The following MEIS2 variants were observed in gnomAD, a reference collection of about 807,000 sequenced individuals.
MEIS2 encodes the protein homeobox protein Meis2.
MEIS2 carries 9 observed loss-of-function variants against 58.6 expected under a neutral mutation model. That is an observed-to-expected ratio of 0.15 (90% confidence interval 0.09 to 0.27). The LOEUF (loss-of-function observed/expected upper bound fraction) is 0.27. Ranked by LOEUF, MEIS2 falls within the 10% of genes least tolerant of loss-of-function variation. The probability of loss-of-function intolerance (pLI) is 1.00; values close to 1 mark genes in which losing one functional copy is unlikely to be tolerated. For synonymous variants in MEIS2, 221 were observed against 228.4 expected (o/e 0.97, Z 0.29); for missense variants, 427 against 635.0 (o/e 0.67, Z 3.52).
Position 36,892,171 on chromosome 15 carries a change from T to A in MEIS2, c.*2A>T. 1 of 1,614,114 alleles carries A rather than the reference T, an allele frequency of 6.2e-7. No homozygotes were observed. Among genetic ancestry groups the A allele is most frequent in the Non-Finnish European group, 8.5e-7 (1 of 1,179,942 alleles). ...TTTCCTTTTCCCTTGAGTTCCCTTA[T>A]ACTATTGGGCATGAATGTCCATAAC... On this transcript the variant is annotated 3_prime_UTR_variant, in exon 12 of 12. Coordinates refer to ENST00000561208, the MANE Select transcript of MEIS2 (RefSeq NM_170675.5).
At chr15:36,967,572 A>C (rs2059397263) in intron 8 of MEIS2, among the ~76,000 whole-genome samples, 1 of 152,122 alleles carries the variant, frequency 6.6e-6, no homozygotes. Flanking sequence ...ACTTCCCAAA[A>C]CCGGTATAGC....
At chr15:37,083,515 A>C (rs1327731599) in intron 7 of MEIS2, among the ~76,000 whole-genome samples, 1 of 152,054 alleles carries the variant, frequency 6.6e-6, no homozygotes, top group African/African-American at 2.4e-5. Context: ...TAGATAACCA[A>C]ATTTGTAAAA....
At chr15:37,003,892 A>G (rs1225405268) in intron 8 of MEIS2, among the ~76,000 whole-genome samples, 2 of 152,114 alleles carry the variant, frequency 1.3e-5, no homozygotes, top group African/African-American at 2.4e-5. Flanking sequence ...CTGTCTCTAC[A>G]CCGGGAAGTA....
In MEIS2 at chr15:37,095,631, G is replaced by A. The variant is rs1373849763; in HGVS notation, c.388-17C>T. The A allele has an allele frequency of 6.2e-7, 1 of 1,614,082 alleles. No homozygotes were observed. Among genetic ancestry groups the A allele is most frequent in the Non-Finnish European group, 8.5e-7 (1 of 1,180,046 alleles). ...GGCGCGAACCTGTAAGAAACAGAGAGTCAACTTGAACGATCACCCCATTTA... is the reference window on the plus strand; with the variant it reads ...GGCGCGAACCTGTAAGAAACAGAGAATCAACTTGAACGATCACCCCATTTA... On this transcript the variant is annotated splice_polypyrimidine_tract_variant and intron_variant, in intron 3 of 11. Transcript: ENST00000561208.
In MEIS2 at chr15:36,982,170, T is replaced by C. The variant is rs184089013; in HGVS notation, c.901-31770A>G. ...TATATATCTCTCTATATCCTATTGG[T>C]TCTGTTTCTCTGGAGAATCCTGACT... On this transcript the variant is annotated intron_variant, in intron 8 of 11. Coordinates refer to ENST00000561208, the MANE Select transcript of MEIS2 (RefSeq NM_170675.5). Among the ~76,000 whole-genome samples, 79 of 152,240 alleles carry C rather than the reference T, an allele frequency of 5.2e-4. No individual in the cohort carries two copies. The Middle Eastern group carries it at 0.01, about 20-fold the overall frequency.
At chr15:36,948,660 T>TA (rs1459702652) in intron 9 of MEIS2, among the ~76,000 whole-genome samples, 2 of 152,032 alleles carry the variant, frequency 1.3e-5, no homozygotes, top group East Asian at 1.9e-4. Flanking sequence ...ATCAGTATGC[T>TA]ATAAAAGAAT....
At chr15:36,948,788 T>C (rs1245115558) in intron 9 of MEIS2, among the ~76,000 whole-genome samples, 1 of 151,964 alleles carries the variant, frequency 6.6e-6, no homozygotes, top group Non-Finnish European at 1.5e-5. Context: ...CATATATATT[T>C]ACACTATGAA....
chr15:36,971,536 TTAAAAAA>T lies in MEIS2; in HGVS notation c.901-21143_901-21137del, dbSNP rs1272424534. On this transcript the variant is annotated intron_variant, in intron 8 of 11. Transcript: ENST00000561208. Reference sequence around the variant, plus strand: ...TGTATTACTTGTATGCCTTGTTACATTAAAAAAAAAAAAAAAAAAAAAAAAAAAGGGC... The same window carrying T: ...TGTATTACTTGTATGCCTTGTTACATAAAAAAAAAAAAAAAAAAAAAGGGC... Among the ~76,000 whole-genome samples, 79 of 65,418 alleles carry T rather than the reference TTAAAAAA, an allele frequency of 1.2e-3. 2 individuals are homozygous for T. Among genetic ancestry groups the T allele is most frequent in the Middle Eastern group, 0.012 (1 of 82 alleles). 42.9% of individuals were successfully genotyped at this position (65,418 alleles called of 152,430 possible). A position where few individuals can be genotyped will look rare whatever the true frequency, so the allele number is the denominator to read the frequency against.
intron 8 of MEIS2, among the ~76,000 whole-genome samples, chr15:36,996,042 CACACATATATATATACACACACAT>C (rs1455112772): frequency 2.9e-5 from 3 of 103,828 alleles, no homozygotes; most frequent in East Asian, 3.5e-4. Flanking sequence ...TACACACACA[CACACATATATATATACACACACAT>C]ATATATATAT....
intron 9 of MEIS2, chr15:36,904,163 TTCCTAAGGCAGAACCACAAAA>T: frequency 6.6e-6 from 1 of 152,258 alleles, no homozygotes; most frequent in African/African-American, 2.4e-5. Context: ...TTTACTTTCT[TTCCTAAGGCAGAACCACAAAA>T]TCCAGGAGAA....
At chr15:36,936,627 G>T (rs1485129622) in intron 9 of MEIS2, among the ~76,000 whole-genome samples, 1 of 152,142 alleles carries the variant, frequency 6.6e-6, no homozygotes, top group African/African-American at 2.4e-5. Flanking sequence ...CTGTAATTAT[G>T]AACTGACTAT....
intron 6 of MEIS2, among the ~76,000 whole-genome samples, chr15:37,090,499 G>T (rs1893382940): frequency 6.6e-6 from 1 of 152,022 alleles, no homozygotes; most frequent in Admixed American, 6.6e-5. Flanking sequence ...TCTTAAGTCT[G>T]CCAATATACT....
intron 8 of MEIS2, among the ~76,000 whole-genome samples, chr15:36,978,988 A>G (rs756228601): frequency 6.6e-6 from 1 of 152,206 alleles, no homozygotes; most frequent in Non-Finnish European, 1.5e-5. Flanking sequence ...ATAAAGGGCC[A>G]AAAGTATGCA....
intron 8 of MEIS2, among the ~76,000 whole-genome samples, chr15:37,032,794 AG>A (rs2061982633): frequency 1.3e-5 from 2 of 152,206 alleles, no homozygotes; most frequent in Admixed American, 1.3e-4. Context: ...TTTTGAAAAT[AG>A]GGTAGTTCGA....
Position 36,910,937 on chromosome 15 carries a change from C to T in MEIS2, c.978-14251G>A, listed in dbSNP as rs28660460. Among the ~76,000 whole-genome samples, 369 of 149,464 alleles carry T rather than the reference C, an allele frequency of 2.5e-3. 2 individuals carry two copies. The highest frequency in any genetic ancestry group is 8.6e-3 in the African/African-American group (348 of 40,630). ...GGCGGCGCCTGTACTCCCGGCTATTCGAGAGGCTGAGGCAGGAGAATGGCT... is the reference window on the plus strand; with the variant it reads ...GGCGGCGCCTGTACTCCCGGCTATTTGAGAGGCTGAGGCAGGAGAATGGCT... On this transcript the variant is annotated intron_variant, in intron 9 of 11. Coordinates refer to ENST00000561208, the MANE Select transcript of MEIS2 (RefSeq NM_170675.5).
At chr15:36,985,982 A>G (rs1276574793) in intron 8 of MEIS2, among the ~76,000 whole-genome samples, 1 of 152,098 alleles carries the variant, frequency 6.6e-6, no homozygotes, top group Admixed American at 6.6e-5. Context: ...TTTCTCCCAG[A>G]TTCTATTGGT....
chr15:36,976,194 C>G (rs2141486348), intron 8 of MEIS2, among the ~76,000 whole-genome samples: 1 of 152,152 alleles, frequency 6.6e-6, no homozygotes, highest in South Asian at 2.1e-4. Flanking sequence ...AAGCAACTCT[C>G]CTGCCTCATC....
intron 9 of MEIS2, among the ~76,000 whole-genome samples, chr15:36,932,342 C>G (rs72708692): frequency 1.3e-5 from 2 of 151,964 alleles, no homozygotes; most frequent in Non-Finnish European, 2.9e-5. Context: ...GTGCTCAGGC[C>G]TCTATAGTGG....
At chr15:37,010,166 C>A (rs868428176) in intron 8 of MEIS2, among the ~76,000 whole-genome samples, 11 of 152,126 alleles carry the variant, frequency 7.2e-5, no homozygotes, top group Non-Finnish European at 1.3e-4. Flanking sequence ...CGGCTCACTG[C>A]AAGCTCTGCA....
Sources: allele counts gnomAD v4.1 joint callset (sites outside exome capture counted in the v4.1 genomes callset), GRCh38; gene constraint gnomAD v4.1.1; transcripts MANE v1.5; gene names NCBI Gene and HGNC (gene_info 2026-07-23, HGNC 2026-07-21).